Variants in CNBD1 observed in about 807,000 individuals in gnomAD.
CNBD1 encodes the protein cyclic nucleotide-binding domain-containing protein 1.
A neutral mutation model predicts 54.4 loss-of-function variants in CNBD1; 71 were observed. That is an observed-to-expected ratio of 1.30 (90% CI 1.08 to 1.59). The LOEUF (loss-of-function observed/expected upper bound fraction) is 1.59. Ranked by LOEUF, CNBD1 falls within the 40% of genes most tolerant of loss-of-function variation. CNBD1 has a pLI of 0.00. For missense variants in CNBD1, 659 were observed against 518.0 expected (o/e 1.27, Z -2.64); for synonymous variants, 182 against 170.7 (o/e 1.07, Z -0.51).
At chr8:87,386,533 A>G (rs7846643), downstream of CNBD1, among the ~76,000 whole-genome samples, 56,310 of 151,662 alleles carry the variant, frequency 0.37, 10,759 homozygotes, top group Middle Eastern at 0.45. Flanking sequence ...GATCAAATGA[A>G]TGAAATGAAG....
intron 4 of CNBD1, among the ~76,000 whole-genome samples, chr8:86,940,158 G>GTC (rs10644717): frequency 0.94 from 110,467 of 117,906 alleles, 51,826 homozygotes; most frequent in East Asian, 0.99. Flanking sequence ...TTTTGAGACT[G>GTC]TTGCTCTTGT....
At chr8:87,151,488 T>G (rs1812602481) in intron 4 of CNBD1, among the ~76,000 whole-genome samples, 1 of 152,188 alleles carries the variant, frequency 6.6e-6, no homozygotes, top group South Asian at 2.1e-4. Flanking sequence ...TGGTGTTAAG[T>G]TTTGCAAAGA....
At chr8:86,988,263 T>G (rs1003293514) in intron 4 of CNBD1, among the ~76,000 whole-genome samples, 3 of 152,064 alleles carry the variant, frequency 2.0e-5, no homozygotes, top group African/African-American at 7.2e-5. Flanking sequence ...ACTTATCTAT[T>G]TCCACTAGGT....
chr8:87,417,817 G>A (rs1807861193), intron 2 of CNBD1, among the ~76,000 whole-genome samples: 1 of 151,666 alleles, frequency 6.6e-6, no homozygotes, highest in African/African-American at 2.4e-5. Flanking sequence ...ATCAATATAT[G>A]ATAGTAACAA....
At chr8:87,268,101 C>T (rs1808297795) in intron 6 of CNBD1, among the ~76,000 whole-genome samples, 1 of 152,040 alleles carries the variant, frequency 6.6e-6, no homozygotes, top group Admixed American at 6.6e-5. Context: ...CAACCCACAC[C>T]CTCCTCCTAC....
intron 6 of CNBD1, among the ~76,000 whole-genome samples, chr8:87,264,276 G>T (rs1367186831): frequency 6.6e-6 from 1 of 151,634 alleles, no homozygotes; most frequent in Non-Finnish European, 1.5e-5. Flanking sequence ...GCGATAGTTT[G>T]CTGAGAACGA....
At chr8:87,005,776 G>A (rs1226521201) in intron 4 of CNBD1, among the ~76,000 whole-genome samples, 1 of 152,026 alleles carries the variant, frequency 6.6e-6, no homozygotes, top group Admixed American at 6.6e-5. Flanking sequence ...AAGGACTAAA[G>A]GTCATTAGGG....
At position 87,060,504 on chromosome 8, in the gene CNBD1, G is replaced by A. The variant is rs151214149; in HGVS notation, c.431+120750G>A. On this transcript the variant is annotated intron_variant, in intron 4 of 10. Coordinates refer to ENST00000518476, the MANE Select transcript of CNBD1 (RefSeq NM_173538.3). ...AAATTACATTTAAGTATCCACTCAT[G>A]CCTGGTGTACTATTTACTCCTTTTC... Among the ~76,000 whole-genome samples the A allele has an allele frequency of 7.1e-4, 108 of 152,226 alleles. 1 individual carries two copies. The East Asian group carries it at 0.019, about 26-fold the overall frequency.
At chr8:87,329,755 C>T (rs1586019203) in intron 8 of CNBD1, among the ~76,000 whole-genome samples, 1 of 151,950 alleles carries the variant, frequency 6.6e-6, no homozygotes, top group African/African-American at 2.4e-5. Flanking sequence ...CTTGTATCCG[C>T]AACCCTTATA....
At chr8:86,871,524 T>C (rs1406918879) in intron 1 of CNBD1, among the ~76,000 whole-genome samples, 13 of 152,232 alleles carry the variant, frequency 8.5e-5, no homozygotes, top group Non-Finnish European at 1.2e-4. Flanking sequence ...TTTTCCACAA[T>C]CTGGCATTTA....
intron 2 of CNBD1, among the ~76,000 whole-genome samples, chr8:87,421,515 A>T (rs1807937144): frequency 6.8e-6 from 1 of 147,810 alleles, no homozygotes; most frequent in Non-Finnish European, 1.5e-5. Context: ...TATGAGTGAG[A>T]ATATGCAGTG....
intron 8 of CNBD1, among the ~76,000 whole-genome samples, chr8:87,332,805 G>A (rs1048243700): frequency 3.9e-5 from 6 of 151,970 alleles, no homozygotes; most frequent in Admixed American, 3.3e-4. Context: ...TTGAAGTCAG[G>A]TGATGCCTCC....
intron 8 of CNBD1, among the ~76,000 whole-genome samples, chr8:87,319,497 G>A (rs978961955): frequency 1.3e-5 from 2 of 151,914 alleles, no homozygotes; most frequent in African/African-American, 4.8e-5. Flanking sequence ...TAACCTATAT[G>A]AACTTTATTT....
chr8:87,219,992 T>G (rs1310768810), intron 5 of CNBD1, among the ~76,000 whole-genome samples: 2 of 152,002 alleles, frequency 1.3e-5, no homozygotes, highest in Non-Finnish European at 2.9e-5. Flanking sequence ...TTATCATAAA[T>G]TCCTATAAAC....
At chr8:87,365,136 C>T (rs1214171023) in intron 10 of CNBD1, among the ~76,000 whole-genome samples, 1 of 152,050 alleles carries the variant, frequency 6.6e-6, no homozygotes, top group Non-Finnish European at 1.5e-5. Context: ...CCCTTTTCTC[C>T]ACAACCTTGC....
intron 3 of CNBD1, among the ~76,000 whole-genome samples, chr8:86,930,690 G>A (rs373983776): frequency 8.5e-5 from 13 of 152,310 alleles, no homozygotes; most frequent in Admixed American, 5.9e-4. Context: ...TGGATATAGC[G>A]GAATTACTCC....
intron 4 of CNBD1, among the ~76,000 whole-genome samples, chr8:86,941,567 T>G (rs1310636605): frequency 6.6e-6 from 1 of 152,158 alleles, no homozygotes; most frequent in Non-Finnish European, 1.5e-5. Flanking sequence ...TAACAAAGTT[T>G]CTGATCTGAG....
intron 10 of CNBD1, among the ~76,000 whole-genome samples, chr8:87,354,061 G>A (rs978315937): frequency 6.6e-6 from 1 of 152,056 alleles, no homozygotes; most frequent in African/African-American, 2.4e-5. Context: ...GGGGCTGCCT[G>A]AGGCTTGGTC....
At chr8:86,901,378 G>T (rs1269104975) in intron 2 of CNBD1, among the ~76,000 whole-genome samples, 1 of 152,070 alleles carries the variant, frequency 6.6e-6, no homozygotes, top group African/African-American at 2.4e-5. Context: ...CAACTTTTAT[G>T]ATTTGCCTTA....
Sources: allele counts gnomAD v4.1 joint callset (sites outside exome capture counted in the v4.1 genomes callset), GRCh38; gene constraint gnomAD v4.1.1; transcripts MANE v1.5; gene names NCBI Gene and HGNC (gene_info 2026-07-23, HGNC 2026-07-21).